The following ARRDC1 variants were observed in gnomAD, a reference collection of about 807,000 sequenced individuals.
ARRDC1 encodes arrestin domain containing 1, also known as arrestin domain-containing protein 1.
Under a neutral mutation model 40.1 loss-of-function variants are expected in ARRDC1, and 37 were observed. The observed-to-expected ratio is 0.92, with a 90% CI of 0.71 to 1.21. The LOEUF (loss-of-function observed/expected upper bound fraction) is 1.21. ARRDC1 is among the 50% of genes most tolerant of loss of function. The probability of loss-of-function intolerance (pLI) is 0.00; values close to 1 mark genes in which losing one functional copy is unlikely to be tolerated. For missense variants in ARRDC1, 641 were observed against 581.9 expected, an observed-to-expected ratio of 1.10 and a Z score of -1.04; for synonymous variants, 310 against 262.5, an observed-to-expected ratio of 1.18 and a Z score of -1.75.
In ARRDC1 at chr9:137,614,743, A is replaced by G. The variant is rs754221624; in HGVS notation, c.980A>G (p.His327Arg). 5 of 1,606,902 alleles carry G rather than the reference A, an allele frequency of 3.1e-6. No individual in the cohort carries two copies. In the African/African-American group the frequency reaches 6.7e-5, roughly 22 times the overall value. The change falls in exon 7 of 8, where the codon CAC becomes CGC. Residue 327 changes from histidine (H) to arginine (R), a missense_variant. By Grantham distance (29) the His-to-Arg change is conservative (BLOSUM62 0). Transcript: ENST00000371421. ...AEAEAAAGGP[H>R]FLDPVFLSTK... ...GCTGAGGCTGCGGCTGGCGGCCCCC[A>G]CTTCTTGGACCCCGTCTTCCTCTCC... is the stretch of plus-strand genomic sequence containing the variant.
chr9:137,615,044 C>G, intron 7 of ARRDC1, 30 bp from the exon 8 acceptor site: 2 of 1,611,058 alleles, frequency 1.2e-6, no homozygotes, highest in Non-Finnish European at 1.7e-6. Flanking sequence ...ACGCCAAGAG[C>G]CCCACGCAGA....
At chr9:137,608,151 T>C (rs1842455437) in intron 1 of ARRDC1, among the ~76,000 whole-genome samples, 1 of 151,920 alleles carries the variant, frequency 6.6e-6, no homozygotes, top group Non-Finnish European at 1.5e-5. Context: ...CCCGGCTAAT[T>C]TGTGTATTTT....
In ARRDC1 at chr9:137,613,621, C is replaced by T; in HGVS notation, c.287C>T (p.Ala96Val). The T allele has an allele frequency of 6.2e-7, 1 of 1,614,238 alleles. No individual in the cohort carries two copies. The highest frequency in any genetic ancestry group is 1.1e-5 in the South Asian group (1 of 91,090). Residue 96 changes from alanine (A) to valine (V), a missense_variant, in exon 4 of 8, where the codon GCA (alanine) becomes GTA (valine). Ala to Val is a moderately conservative substitution (Grantham distance 64). Transcript: ENST00000371421. ...FPFQFLLPAT[A>V]PTSFEGPFGK... ...GTGCCTGCTCTCTCCCCAGCCACTG[C>T]ACCCACGTCCTTTGAGGGTCCTTTC...
intron 1 of ARRDC1, among the ~76,000 whole-genome samples, chr9:137,608,697 T>C (rs1842463858): frequency 6.6e-6 from 1 of 152,232 alleles, no homozygotes; most frequent in Non-Finnish European, 1.5e-5. Flanking sequence ...CCTGGGAAAT[T>C]CACCCAGCCT....
Position 137,614,917 on chromosome 9 carries a change from T to C in ARRDC1, c.1154T>C (p.Phe385Ser). 1 of 1,613,872 alleles carries C rather than the reference T, an allele frequency of 6.2e-7. No individual in the cohort carries two copies. The highest frequency in any genetic ancestry group is 8.5e-7 in the Non-Finnish European group (1 of 1,179,978). ...CISTGATVPY[F>S]AEGSGGPVPT... is the part of the protein sequence containing the mutation. Reference sequence around the variant, plus strand: ...TCAACAGGTGCCACTGTCCCCTACTTTGCAGAGGGCTCCGGGGGGCCAGTG... The same window carrying C: ...TCAACAGGTGCCACTGTCCCCTACTCTGCAGAGGGCTCCGGGGGGCCAGTG... The change falls in exon 7 of 8, where the codon TTT becomes TCT. Residue 385 changes from phenylalanine (F) to serine (S), a missense_variant. Coordinates refer to ENST00000371421, the MANE Select transcript of ARRDC1 (RefSeq NM_152285.4).
chr9:137,610,325 T>C (rs1189320963), intron 1 of ARRDC1, among the ~76,000 whole-genome samples: 1 of 152,214 alleles, frequency 6.6e-6, no homozygotes, highest in Non-Finnish European at 1.5e-5. Context: ...TTGAGGGTGC[T>C]TGGCTGGCAT....
In ARRDC1 at chr9:137,614,716, A is replaced by T. The variant is rs557067095; in HGVS notation, c.953A>T (p.Glu318Val). ...VPSAPPQEEA[E>V]AEAAAGGPHF... ...TCCGCACCACCCCAGGAGGAGGCTG[A>T]GGCTGAGGCTGCGGCTGGCGGCCCC... The change falls in exon 7 of 8, where the codon GAG becomes GTG. Residue 318 changes from glutamate (E) to valine (V), a missense_variant. Physicochemically the swap from Glu to Val is moderately radical, Grantham distance 121. Coordinates refer to ENST00000371421, the MANE Select transcript of ARRDC1 (RefSeq NM_152285.4). The T allele has an allele frequency of 1.9e-6, 3 of 1,609,348 alleles. No individual in the cohort carries two copies. Among genetic ancestry groups the T allele is most frequent in the Non-Finnish European group, 2.5e-6 (3 of 1,178,322 alleles).
At chr9:137,610,609 G>T (rs1428057387) in intron 1 of ARRDC1, among the ~76,000 whole-genome samples, 2 of 151,866 alleles carry the variant, frequency 1.3e-5, no homozygotes, top group Non-Finnish European at 2.9e-5. Flanking sequence ...TGTTGCTCAG[G>T]CTGGAGTGCA....
Position 137,614,499 on chromosome 9 carries a change from TG to T in ARRDC1, c.795+26del, listed in dbSNP as rs746258352. The T allele has an allele frequency of 3.7e-6, 6 of 1,613,060 alleles. No homozygotes were observed. The South Asian group carries it at 6.6e-5, about 18-fold the overall frequency. The stretch of plus-strand genomic sequence containing the variant: ...AGGTTTGGTGCTGCTGGGGGCTGGG[TG>T]GTCTGAGGCCTAGTGGCCTTGGCCC... On this transcript the variant is annotated intron_variant, in intron 6 of 7. Coordinates refer to ENST00000371421, the MANE Select transcript of ARRDC1 (RefSeq NM_152285.4).
chr9:137,607,350 G>A (rs1842441403), intron 1 of ARRDC1, among the ~76,000 whole-genome samples: 1 of 152,208 alleles, frequency 6.6e-6, no homozygotes, highest in Non-Finnish European at 1.5e-5. Context: ...CCCCCAGGAG[G>A]ACAGCAGCCC....
At chr9:137,613,300 C>A in intron 2 of ARRDC1, 160 bp from the exon 3 acceptor site, 1 of 851,902 alleles carries the variant, frequency 1.2e-6, no homozygotes, top group Non-Finnish European at 1.9e-6. Context: ...CTCAGTCCTT[C>A]ACCCAAGCCA....
rs748152832 is a variant in ARRDC1, at chr9:137,612,875, ATGCAGCCATCCCCTT to A, written c.119-9_124del. On this transcript the variant is annotated splice_region_variant and splice_polypyrimidine_tract_variant and intron_variant, in intron 1 of 7. Coordinates refer to ENST00000371421, the MANE Select transcript of ARRDC1 (RefSeq NM_152285.4). The stretch of plus-strand genomic sequence containing the variant: ...CTGGGCCGTCGGCTGGCTGGGGCTC[ATGCAGCCATCCCCTT>A]TGCAGCCATCCGGGTGACCTGCATA... 3.8e-6 allele frequency: 6 copies of A among 1,596,900 alleles called. No individual in the cohort carries two copies. Among genetic ancestry groups the A allele is most frequent in the African/African-American group, 1.3e-5 (1 of 74,676 alleles).
At chr9:137,612,849 C>A in intron 1 of ARRDC1, 47 bp from the exon 2 acceptor site, 1 of 1,476,388 alleles carries the variant, frequency 6.8e-7, no homozygotes, top group Non-Finnish European at 9.4e-7. Flanking sequence ...CAAGCAGGGG[C>A]CTGGGCCGTC....
intron 1 of ARRDC1, among the ~76,000 whole-genome samples, chr9:137,609,327 C>G (rs993042925): frequency 6.6e-6 from 1 of 151,882 alleles, no homozygotes; most frequent in Non-Finnish European, 1.5e-5. Flanking sequence ...CTCTGCCTCC[C>G]TGGTTCAAGT....
Position 137,612,944 on chromosome 9 carries a change from A to G in ARRDC1, c.167A>G (p.Asn56Ser), listed in dbSNP as rs766425003. 1.2e-6 allele frequency: 2 copies of G among 1,614,062 alleles called. No homozygotes were observed. The highest frequency in any genetic ancestry group is 1.7e-6 in the Non-Finnish European group (2 of 1,180,014). ...IGSCGVSNKA[N>S]DTAWVVEEGY... ...TCCTGCGGGGTCTCCAACAAGGCTAATGACACAGCGTGGGTAGTGGAGGAG... is the reference window on the plus strand; with the variant it reads ...TCCTGCGGGGTCTCCAACAAGGCTAGTGACACAGCGTGGGTAGTGGAGGAG... Residue 56 changes from asparagine (N) to serine (S), a missense_variant, in exon 2 of 8, where the codon AAT becomes AGT. By Grantham distance (46) the Asn-to-Ser change is conservative. Coordinates refer to ENST00000371421, the MANE Select transcript of ARRDC1 (RefSeq NM_152285.4).
In ARRDC1 at chr9:137,614,421, G is replaced by T; in HGVS notation, c.741G>T (p.Leu247Phe). ...QWHEQILVPALPQSALPGCSL... is the reference protein window; with the variant it reads ...QWHEQILVPAFPQSALPGCSL... Reference sequence around the variant, plus strand: ...ACGAGCAGATCCTGGTGCCTGCCTTGCCCCAGTCGGCCCTGCCGGGCTGCA... The same window carrying T: ...ACGAGCAGATCCTGGTGCCTGCCTTTCCCCAGTCGGCCCTGCCGGGCTGCA... The change falls in exon 6 of 8, where the codon TTG (leucine) becomes TTT (phenylalanine). Residue 247 changes from leucine (L) to phenylalanine (F), a missense_variant. Leu to Phe is a conservative substitution (Grantham distance 22). Transcript: ENST00000371421. The T allele has an allele frequency of 6.2e-7, 1 of 1,613,236 alleles. No individual in the cohort carries two copies.
rs148514563 is a variant in ARRDC1 at position 137,614,644 on chromosome 9, G to C, written c.881G>C (p.Arg294Pro). 26 of 1,612,574 alleles carry C rather than the reference G, an allele frequency of 1.6e-5. No individual in the cohort carries two copies. Among genetic ancestry groups the C allele is most frequent in the Non-Finnish European group, 2.0e-5 (24 of 1,179,808 alleles). ...GTGAACCATGCCCCAGTGAGCCCCCGGCCAGGCCTGGGGCTGCCTCCTGGG... is the reference window on the plus strand; with the variant it reads ...GTGAACCATGCCCCAGTGAGCCCCCCGCCAGGCCTGGGGCTGCCTCCTGGG... ...IAVNHAPVSP[R>P]PGLGLPPGAP... The change falls in exon 7 of 8, where the codon CGG becomes CCG. Residue 294 changes from arginine (R) to proline (P), a missense_variant. Arg to Pro is a moderately radical substitution (Grantham distance 103). Coordinates refer to ENST00000371421, the MANE Select transcript of ARRDC1 (RefSeq NM_152285.4).
chr9:137,605,797 CCGTGCG>C lies in ARRDC1; in HGVS notation c.88_93del (p.Val30_Arg31del). 7.7e-7 allele frequency: 1 copy of C among 1,303,540 alleles called. No individual in the cohort carries two copies. The allele number at this position is 1,303,540 out of a possible 1,614,324, so 80.7% of individuals were successfully genotyped here. A position where few individuals can be genotyped will look rare whatever the true frequency, so the allele number is the denominator to read the frequency against. On this transcript the variant is annotated inframe_deletion, in exon 1 of 8. Transcript: ENST00000371421. ...AGCCCCGGGGAGCCGTTGGCTGGGA[CCGTGCG>C]CGTGCGCCTGGGGGCACCGCTGCCG...
intron 1 of ARRDC1, 71 bp from the exon 2 acceptor site, chr9:137,612,825 T>C: frequency 7.9e-7 from 1 of 1,267,822 alleles, no homozygotes; most frequent in Non-Finnish European, 1.1e-6. Flanking sequence ...CAGGTCGAAT[T>C]CCTGTGCTGG....
Sources: allele counts gnomAD v4.1 joint callset (sites outside exome capture counted in the v4.1 genomes callset), GRCh38; gene constraint gnomAD v4.1.1; transcripts MANE v1.5; gene names NCBI Gene and HGNC (gene_info 2026-07-23, HGNC 2026-07-21).